Variants in ZNF454 observed in about 807,000 individuals in gnomAD.
The protein encoded by ZNF454 is zinc finger protein 454.
A neutral mutation model predicts 48.2 loss-of-function variants in ZNF454; 30 were observed. The ratio of observed to expected loss-of-function variants is 0.62; its 90% confidence interval spans 0.47 to 0.84. The LOEUF (loss-of-function observed/expected upper bound fraction) is 0.84, where lower values mean the gene tolerates loss of function less well. ZNF454 is among the 40% of genes least tolerant of loss of function. The pLI, the probability that ZNF454 is intolerant of heterozygous loss-of-function variation, is 0.00. For synonymous variants in ZNF454, 204 were observed against 211.4 expected, an observed-to-expected ratio of 0.97 and a Z score of 0.30; for missense variants, 510 against 623.1, an observed-to-expected ratio of 0.82 and a Z score of 1.93.
At position 178,966,299 on chromosome 5, in the gene ZNF454, T is replaced by G. The variant is rs563270297; in HGVS notation, c.*326T>G. ...AATATAAAAAATTACCCGGGCATGG[T>G]GGTGGGCGCCTGTAGTCCCAGCTAC... On this transcript the variant is annotated 3_prime_UTR_variant, in exon 5 of 5. Transcript: ENST00000519564. 18 of 169,794 alleles carry G rather than the reference T, an allele frequency of 1.1e-4. No individual in the cohort carries two copies. The East Asian group carries it at 2.8e-3, about 26-fold the overall frequency. 10.5% of individuals were successfully genotyped at this position (169,794 alleles called of 1,614,324 possible).
At chr5:178,967,608 T>A (rs1206591484), downstream of ZNF454, among the ~76,000 whole-genome samples, 1 of 152,108 alleles carries the variant, frequency 6.6e-6, no homozygotes, top group Non-Finnish European at 1.5e-5. Context: ...AGTAATTCCA[T>A]GAGTCAAGAA....
the ZNF454 span, among the ~76,000 whole-genome samples, chr5:178,971,891 G>A: frequency 2.6e-5 from 4 of 151,926 alleles, no homozygotes; most frequent in African/African-American, 9.6e-5. Flanking sequence ...CCCAGGAAGG[G>A]CGGCTCTGTC....
chr5:178,973,492 A>G, the ZNF454 span, among the ~76,000 whole-genome samples: 1 of 152,202 alleles, frequency 6.6e-6, no homozygotes, highest in African/African-American at 2.4e-5. Flanking sequence ...TCAGTAATAC[A>G]CCTAGTGGCA....
the ZNF454 span, chr5:178,986,991 G>C: frequency 1.2e-6 from 2 of 1,612,874 alleles, no homozygotes; most frequent in Non-Finnish European, 1.7e-6. Flanking sequence ...TGCCTGGAGA[G>C]AGAGTCCGTC....
At chr5:178,975,614 C>T in the ZNF454 span, 4 of 349,494 alleles carry the variant, frequency 1.1e-5, no homozygotes, top group Non-Finnish European at 1.8e-5. Context: ...CCAGTGTCTC[C>T]TCTTCTCACC....
chr5:178,973,803 A>C, the ZNF454 span, among the ~76,000 whole-genome samples: 2 of 149,084 alleles, frequency 1.3e-5, no homozygotes, highest in Non-Finnish European at 3.0e-5. Context: ...AGATCGCGCC[A>C]CTGCACTCCA....
At chr5:178,983,028 C>A in the ZNF454 span, 1 of 1,613,992 alleles carries the variant, frequency 6.2e-7, no homozygotes, top group African/African-American at 1.3e-5. Flanking sequence ...GGGCACGCCA[C>A]GGGCCTTGAT....
At chr5:178,961,960 A>G (rs1760026293) in intron 4 of ZNF454, among the ~76,000 whole-genome samples, 1 of 151,668 alleles carries the variant, frequency 6.6e-6, no homozygotes, top group Non-Finnish European at 1.5e-5. Flanking sequence ...TTATCCATAT[A>G]TTTAACTTTT....
At chr5:178,954,890 T>C (rs1759688359) in intron 4 of ZNF454, among the ~76,000 whole-genome samples, 1 of 152,230 alleles carries the variant, frequency 6.6e-6, no homozygotes, top group African/African-American at 2.4e-5. Context: ...ATGTCAGCAG[T>C]TCCTTGCCAT....
the ZNF454 span, among the ~76,000 whole-genome samples, chr5:178,987,938 T>G: frequency 1.4e-5 from 2 of 147,612 alleles, no homozygotes; most frequent in South Asian, 4.6e-4. Context: ...TTTTGTATTT[T>G]TAGTAGAGAT....
the ZNF454 span, chr5:178,986,186 G>A: frequency 6.2e-7 from 1 of 1,614,148 alleles, no homozygotes; most frequent in Middle Eastern, 1.7e-4. Flanking sequence ...CTGATGAAGG[G>A]AGGGGGTGTG....
the ZNF454 span, chr5:178,985,636 G>C: frequency 2.7e-6 from 1 of 375,222 alleles, no homozygotes; most frequent in Non-Finnish European, 5.2e-6. Flanking sequence ...CCGGAAGGCA[G>C]AGCTTGCAGG....
At chr5:178,984,400 T>G in the ZNF454 span, among the ~76,000 whole-genome samples, 1 of 152,168 alleles carries the variant, frequency 6.6e-6, no homozygotes, top group African/African-American at 2.4e-5. Context: ...TGGTGCTAAG[T>G]GCAGGCGAAT....
intron 2 of ZNF454, among the ~76,000 whole-genome samples, chr5:178,945,665 G>A (rs976171335): frequency 1.4e-5 from 2 of 143,952 alleles, no homozygotes; most frequent in African/African-American, 5.2e-5. Flanking sequence ...GTATGGGTAT[G>A]TATGCTTGTG....
In ZNF454 at chr5:178,965,091, G is replaced by A. The variant is rs191135491; in HGVS notation, c.687G>A (p.Thr229=). The change falls in exon 5 of 5, where the codon ACG becomes ACA. Residue 229 remains threonine (T), a synonymous_variant. Transcript: ENST00000519564. The surrounding 1 kb of genome is among the most constrained non-coding windows in gnomAD (Gnocchi z 5.2). ...RECGKAFHQS[T]HLIHHQRIHT... ...GTGGGAAAGCCTTTCACCAGAGTACGCACCTTATCCATCACCAAAGAATTC... is the reference window on the plus strand; with the variant it reads ...GTGGGAAAGCCTTTCACCAGAGTACACACCTTATCCATCACCAAAGAATTC... 7.6e-5 allele frequency: 122 copies of A among 1,613,814 alleles called. No homozygotes were observed. The highest frequency in any genetic ancestry group is 1.0e-4 in the Non-Finnish European group (118 of 1,179,976).
chr5:178,982,613 A>G, the ZNF454 span, among the ~76,000 whole-genome samples: 2 of 148,712 alleles, frequency 1.3e-5, no homozygotes, highest in South Asian at 2.2e-4. Flanking sequence ...AAGCATATGA[A>G]GAACTTGAAT....
At chr5:178,985,662 C>T in the ZNF454 span, 1 of 396,208 alleles carries the variant, frequency 2.5e-6, no homozygotes, top group Non-Finnish European at 4.9e-6. Flanking sequence ...GAGATAGTGC[C>T]ACTGCACTCC....
At chr5:178,983,559 T>C in the ZNF454 span, 8 of 486,104 alleles carry the variant, frequency 1.6e-5, no homozygotes, top group African/African-American at 1.3e-4. Context: ...TGCCATTTAC[T>C]GCGCCCCTTC....
the ZNF454 span, among the ~76,000 whole-genome samples, chr5:178,976,460 G>C: frequency 4.6e-5 from 7 of 152,146 alleles, no homozygotes; most frequent in Non-Finnish European, 1.5e-5. Context: ...AGCAGTCTGT[G>C]GGGGGCAGTG....
Sources: gnomAD v4.1 joint callset for allele counts (sites outside exome capture counted in the v4.1 genomes callset) on GRCh38, gnomAD v4.1.1 for gene constraint, Gnocchi (gnomAD v3.1) non-coding constraint, MANE v1.5 for transcripts, NCBI Gene and HGNC (gene_info 2026-07-23, HGNC 2026-07-21) for gene names.